Variants in HDAC9 observed in about 807,000 individuals in gnomAD.
HDAC9 encodes MEF-2 interacting transcription repressor (MITR) protein.
HDAC9 carries 41 observed loss-of-function variants against 139.4 expected under a neutral mutation model. The ratio of observed to expected loss-of-function variants is 0.29; its 90% CI spans 0.23 to 0.38. The LOEUF (loss-of-function observed/expected upper bound fraction) is 0.38. Ranked by LOEUF, HDAC9 falls within the 10% of genes least tolerant of loss-of-function variation. The pLI, the probability that HDAC9 is intolerant of heterozygous loss-of-function variation, is 1.00. For missense variants in HDAC9, 1,147 were observed against 1,297.0 expected (o/e 0.88, Z 1.78); for synonymous variants, 517 against 476.2 (o/e 1.09, Z -1.12).
chr7:18,989,041 T>C (rs1399010613), intron 25 of HDAC9, among the ~76,000 whole-genome samples: 1 of 117,326 alleles, frequency 8.5e-6, no homozygotes, highest in Admixed American at 8.5e-5. Context: ...TGTCTTTTAA[T>C]TGGAGCATTT....
chr7:18,800,453 A>G (rs1793190743), intron 17 of HDAC9, among the ~76,000 whole-genome samples: 1 of 152,218 alleles, frequency 6.6e-6, no homozygotes, highest in South Asian at 2.1e-4. Context: ...AATAATTAAC[A>G]TTTTTAGATG....
At chr7:18,934,751 C>A (rs1781502087) in intron 22 of HDAC9, among the ~76,000 whole-genome samples, 1 of 151,972 alleles carries the variant, frequency 6.6e-6, no homozygotes, top group South Asian at 2.1e-4. Flanking sequence ...TGGTAATAGC[C>A]CTTTGGAAAT....
At chr7:18,793,026 G>A (rs898165612) in intron 16 of HDAC9, 6 of 271,242 alleles carry the variant, frequency 2.2e-5, no homozygotes, top group African/African-American at 4.3e-5. Context: ...AGCCAGATCC[G>A]GCCTATGTAA....
intron 1 of HDAC9, among the ~76,000 whole-genome samples, chr7:18,408,034 G>A (rs1368784177): frequency 1.3e-5 from 2 of 152,126 alleles, no homozygotes; most frequent in Non-Finnish European, 2.9e-5. Context: ...TTACGTCGTG[G>A]AATTATTGAG....
At chr7:18,861,031 C>CA (rs1798065173) in intron 21 of HDAC9, among the ~76,000 whole-genome samples, 1 of 152,112 alleles carries the variant, frequency 6.6e-6, no homozygotes, top group South Asian at 2.1e-4. Context: ...TTTAGTAATG[C>CA]TTATGAAACC....
chr7:18,519,202 C>T (rs766605909), intron 2 of HDAC9, among the ~76,000 whole-genome samples: 5 of 152,152 alleles, frequency 3.3e-5, no homozygotes, highest in Non-Finnish European at 7.4e-5. Flanking sequence ...GATGTCATCA[C>T]AACTCATTCT....
intron 2 of HDAC9, among the ~76,000 whole-genome samples, chr7:18,191,038 G>A (rs1156321595): frequency 6.6e-6 from 1 of 152,124 alleles, no homozygotes; most frequent in African/African-American, 2.4e-5. Flanking sequence ...ACAACACAGG[G>A]ATTAAGGGTG....
intron 25 of HDAC9, among the ~76,000 whole-genome samples, chr7:18,986,654 C>A (rs79191488): frequency 0.34 from 50,740 of 151,114 alleles, 10,394 homozygotes; most frequent in Non-Finnish European, 0.46. Context: ...CTGTAAATTA[C>A]CTTGGGCAGT....
upstream of HDAC9, among the ~76,000 whole-genome samples, chr7:18,493,331 C>A (rs1796501598): frequency 6.6e-6 from 1 of 151,828 alleles, no homozygotes; most frequent in Non-Finnish European, 1.5e-5. Flanking sequence ...GACAGTGGGT[C>A]CATTTTTCAT....
intron 2 of HDAC9, chr7:18,509,341 G>T: frequency 1.0e-6 from 1 of 985,414 alleles, no homozygotes. Flanking sequence ...GGAGAACCAG[G>T]GGAAGACTGT....
chr7:18,753,098 A>T (rs1424550291), intron 14 of HDAC9, among the ~76,000 whole-genome samples: 1 of 152,136 alleles, frequency 6.6e-6, no homozygotes, highest in South Asian at 2.1e-4. Context: ...GGAGTAGAAG[A>T]TACAATACCG....
chr7:18,923,675 G>A (rs1803960484), intron 22 of HDAC9, among the ~76,000 whole-genome samples: 1 of 151,884 alleles, frequency 6.6e-6, no homozygotes, highest in African/African-American at 2.4e-5. Context: ...CCATTATGAA[G>A]GTTTTATAGC....
intron 22 of HDAC9, among the ~76,000 whole-genome samples, chr7:18,876,470 A>T (rs1239530426): frequency 6.6e-6 from 1 of 152,190 alleles, no homozygotes; most frequent in African/African-American, 2.4e-5. Flanking sequence ...TTTGCAGTTT[A>T]ATAAGGAAAA....
chr7:18,635,687 A>G (rs1783671751), intron 8 of HDAC9, among the ~76,000 whole-genome samples: 1 of 152,070 alleles, frequency 6.6e-6, no homozygotes, highest in Non-Finnish European at 1.5e-5. Context: ...CTGGTGCGTT[A>G]ACTTCTAATA....
intron 1 of HDAC9, among the ~76,000 whole-genome samples, chr7:18,450,483 T>C (rs1792714536): frequency 6.6e-6 from 1 of 152,196 alleles, no homozygotes; most frequent in African/African-American, 2.4e-5. Flanking sequence ...TGTAAACTTA[T>C]TTTTAGTCTC....
chr7:18,874,819 T>C (rs1585200292), intron 22 of HDAC9, among the ~76,000 whole-genome samples: 1 of 152,270 alleles, frequency 6.6e-6, no homozygotes, highest in Admixed American at 6.5e-5. Flanking sequence ...TGACAGCACA[T>C]TTCAGAAATC....
intron 2 of HDAC9, among the ~76,000 whole-genome samples, chr7:18,574,318 C>T (rs1263191656): frequency 6.6e-6 from 1 of 152,218 alleles, no homozygotes; most frequent in Non-Finnish European, 1.5e-5. Flanking sequence ...TGACCTAGAA[C>T]GGGTAGCTTC....
chr7:18,796,125 T>G (rs920623377), intron 17 of HDAC9, among the ~76,000 whole-genome samples: 1 of 152,150 alleles, frequency 6.6e-6, no homozygotes, highest in Non-Finnish European at 1.5e-5. Context: ...TAATTTTTCT[T>G]GGAAAATAGA....
intron 1 of HDAC9, among the ~76,000 whole-genome samples, chr7:18,304,904 C>T (rs1562858200): frequency 6.6e-6 from 1 of 150,468 alleles, no homozygotes; most frequent in Non-Finnish European, 1.5e-5. Context: ...TATGCCCCCA[C>T]CCCCACCTCT....
Sources: gnomAD v4.1 joint callset for allele counts (sites outside exome capture counted in the v4.1 genomes callset) on GRCh38, gnomAD v4.1.1 for gene constraint, MANE v1.5 for transcripts, NCBI Gene and HGNC (gene_info 2026-07-23, HGNC 2026-07-21) for gene names.